Variants in TBXAS1 observed in about 807,000 individuals in gnomAD.
TBXAS1 encodes thromboxane A synthase 1, also known as thromboxane-A synthase.
In TBXAS1, 48 loss-of-function variants were observed where a neutral mutation model predicts 60.7. The ratio of observed to expected loss-of-function variants is 0.79; its 90% CI spans 0.63 to 1.01. TBXAS1 has a LOEUF of 1.01. TBXAS1 is among the 50% of genes least tolerant of loss of function. The pLI is 0.00. For synonymous variants in TBXAS1, 287 were observed against 269.7 expected (o/e 1.06, Z -0.63); for missense variants, 685 against 686.3 (o/e 1.00, Z 0.02).
At chr7:139,904,992 TTTCTC>T (rs1569511354) in intron 3 of TBXAS1, among the ~76,000 whole-genome samples, 10 of 128,592 alleles carry the variant, frequency 7.8e-5, no homozygotes, top group African/African-American at 2.7e-4. Context: ...TCTTTCTCTC[TTTCTC>T]TCTTTCTCTC....
At chr7:139,874,354 A>G (rs923492813) in intron 2 of TBXAS1, among the ~76,000 whole-genome samples, 2 of 152,214 alleles carry the variant, frequency 1.3e-5, no homozygotes, top group Non-Finnish European at 2.9e-5. Context: ...CATTCTGAGG[A>G]AAACGGCGTA....
chr7:139,806,963 A>T (rs1797894098), intron 4 of TBXAS1, among the ~76,000 whole-genome samples: 1 of 152,124 alleles, frequency 6.6e-6, no homozygotes, highest in Admixed American at 6.5e-5. Context: ...GGGTTCACAA[A>T]CTGGACAGCA....
chr7:139,820,014 A>G (rs1235781416), intron 4 of TBXAS1, among the ~76,000 whole-genome samples: 1 of 151,826 alleles, frequency 6.6e-6, no homozygotes, highest in Admixed American at 6.6e-5. Context: ...CTGAAATGCC[A>G]TTTGTGATCT....
rs572525928 is a variant in TBXAS1, at chr7:139,859,117, C to T, written c.90-13118C>T. ...CTCAAACTCCCAACCTCAGGTGATC[C>T]GCCTGCCTCTGCCTCCCAAAGTGCT... On this transcript the variant is annotated intron_variant, in intron 1 of 12. Transcript: ENST00000448866. 2.4e-4 allele frequency among the ~76,000 whole-genome samples: 37 copies of T among 152,208 alleles called. No homozygotes were observed. In the South Asian group the frequency reaches 5.4e-3, roughly 22 times the overall value.
intron 1 of TBXAS1, among the ~76,000 whole-genome samples, chr7:139,851,971 C>T (rs1464245612): frequency 6.6e-6 from 1 of 152,168 alleles, no homozygotes; most frequent in African/African-American, 2.4e-5. Flanking sequence ...CCATCTTGGG[C>T]TCGCTCTCTC....
At position 140,011,867 on chromosome 7, in the gene TBXAS1, A is replaced by G. The variant is rs139575400; in HGVS notation, c.1227-3856A>G. On this transcript the variant is annotated intron_variant, in intron 10 of 12. Coordinates refer to ENST00000448866, the MANE Select transcript of TBXAS1 (RefSeq NM_001061.7). ...ATATATATATCCACAATGAAATAAT[A>G]AACAGGTGAGCAGATAAATAACTAA... 2.5e-4 allele frequency among the ~76,000 whole-genome samples: 38 copies of G among 152,184 alleles called. No homozygotes were observed. In the Middle Eastern group the frequency reaches 0.01, roughly 41 times the overall value.
At chr7:139,787,913 A>G (rs1797249240) in intron 4 of TBXAS1, among the ~76,000 whole-genome samples, 1 of 152,252 alleles carries the variant, frequency 6.6e-6, no homozygotes, top group African/African-American at 2.4e-5. Flanking sequence ...AGATACAGTT[A>G]CTAAATGTGT....
At chr7:139,849,714 C>T (rs1342151186) in intron 1 of TBXAS1, among the ~76,000 whole-genome samples, 1 of 152,192 alleles carries the variant, frequency 6.6e-6, no homozygotes, top group Non-Finnish European at 1.5e-5. Flanking sequence ...CCTAAGATTT[C>T]AACTCCACCC....
At chr7:139,953,597 A>T (rs1441284203) in intron 6 of TBXAS1, 141 bp downstream of exon 6, 2 of 797,570 alleles carry the variant, frequency 2.5e-6, no homozygotes, top group Non-Finnish European at 4.1e-6. Flanking sequence ...TGGACTGATT[A>T]ATAAAAAGAA....
intron 4 of TBXAS1, among the ~76,000 whole-genome samples, chr7:139,820,091 C>T (rs1215330662): frequency 1.3e-5 from 2 of 151,936 alleles, no homozygotes; most frequent in East Asian, 3.9e-4. Flanking sequence ...ATGCCTGCTC[C>T]CACTCTCACT....
intron 4 of TBXAS1, among the ~76,000 whole-genome samples, chr7:139,815,376 A>T (rs1232971899): frequency 1.3e-5 from 2 of 152,192 alleles, no homozygotes; most frequent in Non-Finnish European, 2.9e-5. Context: ...TAGGAAGAAT[A>T]ATTTGGTCAA....
At chr7:139,937,556 A>G (rs370716053) in intron 5 of TBXAS1, among the ~76,000 whole-genome samples, 9 of 152,268 alleles carry the variant, frequency 5.9e-5, no homozygotes, top group African/African-American at 2.2e-4. Flanking sequence ...CTGTCTCTGT[A>G]TGCAGCACCT....
chr7:139,823,314 T>C (rs1569494755), intron 4 of TBXAS1, among the ~76,000 whole-genome samples: 1 of 152,124 alleles, frequency 6.6e-6, no homozygotes, highest in East Asian at 1.9e-4. Context: ...GTGGGGCTTA[T>C]ACACTGGGAT....
At position 139,835,031 on chromosome 7, in the gene TBXAS1, A is replaced by G. The variant is rs151010245; in HGVS notation, c.89+5552A>G. Among the ~76,000 whole-genome samples, 349 of 151,546 alleles carry G rather than the reference A, an allele frequency of 2.3e-3. 1 individual carries two copies. Among genetic ancestry groups the G allele is most frequent in the African/African-American group, 7.9e-3 (326 of 41,320 alleles). ...ACACAACCAAAAAAGAAAACTACAG[A>G]CCAATATCCTTGATGAACATAGATA... On this transcript the variant is annotated intron_variant, in intron 1 of 12. Coordinates refer to ENST00000448866, the MANE Select transcript of TBXAS1 (RefSeq NM_001061.7).
intron 3 of TBXAS1, among the ~76,000 whole-genome samples, chr7:139,888,774 T>C (rs1359417807): frequency 6.6e-6 from 1 of 152,074 alleles, no homozygotes; most frequent in African/African-American, 2.4e-5. Context: ...AAATGTGTGC[T>C]AGGAAAATGT....
rs139090574 is a variant in TBXAS1 at position 139,788,050 on chromosome 7, C to T, written c.-80+624C>T. 7.1e-4 allele frequency among the ~76,000 whole-genome samples: 108 copies of T among 152,268 alleles called. 3 individuals carry two copies. The East Asian group carries it at 0.017, about 23-fold the overall frequency. ...ATAGTGATGAATGTAAACAACAGTT[C>T]AAGAAATCTGCAACAATTGTCAATC... On this transcript the variant is annotated intron_variant, in intron 4 of 16. Coordinates refer to the TBXAS1 transcript ENST00000336425.
At chr7:139,919,085 A>C (rs1806234278) in intron 4 of TBXAS1, among the ~76,000 whole-genome samples, 1 of 152,210 alleles carries the variant, frequency 6.6e-6, no homozygotes, top group Non-Finnish European at 1.5e-5. Context: ...GCCAGATAGC[A>C]ATAGATATAA....
chr7:139,955,739 G>T (rs984476296), intron 7 of TBXAS1, 132 bp downstream of exon 7: 27 of 1,372,306 alleles, frequency 2.0e-5, no homozygotes, highest in Non-Finnish European at 2.7e-5. Flanking sequence ...CCCTGCAGAG[G>T]CTTTGTCTTA....
At chr7:139,920,545 T>C (rs1202204541) in intron 4 of TBXAS1, among the ~76,000 whole-genome samples, 1 of 152,190 alleles carries the variant, frequency 6.6e-6, no homozygotes, top group Admixed American at 6.5e-5. Context: ...TTGCAAGAGA[T>C]GCCAAGGAAG....
Sources: gnomAD v4.1 joint callset for allele counts (sites outside exome capture counted in the v4.1 genomes callset) on GRCh38, gnomAD v4.1.1 for gene constraint, MANE v1.5 for transcripts, NCBI Gene and HGNC (gene_info 2026-07-23, HGNC 2026-07-21) for gene names.